Variants in DUS2 observed in about 807,000 individuals in gnomAD.
DUS2 encodes the protein dihydrouridine synthase 2.
In DUS2, 52 loss-of-function variants were observed where a neutral mutation model predicts 71.3. The ratio of observed to expected loss-of-function variants is 0.73; its 90% CI spans 0.58 to 0.92. DUS2 has a LOEUF of 0.92. Among genes scored for constraint, DUS2 ranks in the 40% least tolerant of loss-of-function variants. The pLI is 0.00. For synonymous variants in DUS2, 204 were observed against 227.8 expected (o/e 0.90, Z 0.94); for missense variants, 558 against 622.6 (o/e 0.90, Z 1.10).
chr16:68,079,072 C>T lies in DUS2; in HGVS notation c.*86C>T. On this transcript the variant is annotated 3_prime_UTR_variant, in exon 17 of 17. Transcript: ENST00000565263. ...ACAGCATGAACCAGATGCCGTTGAA[C>T]AGTTTGCTGGTCTTGCCTGGCAGAA... is the stretch of plus-strand genomic sequence containing the variant. The T allele has an allele frequency of 1.6e-6, 2 of 1,253,888 alleles. No individual in the cohort carries two copies. The highest frequency in any genetic ancestry group is 2.2e-6 in the Non-Finnish European group (2 of 912,310). The allele number at this position is 1,253,888 out of a possible 1,614,324, so 77.7% of individuals were successfully genotyped here. A position where few individuals can be genotyped will look rare whatever the true frequency, so the allele number is the denominator to read the frequency against.
chr16:68,055,289 C>A (rs1362946786), intron 6 of DUS2, among the ~76,000 whole-genome samples: 1 of 152,068 alleles, frequency 6.6e-6, no homozygotes, highest in Non-Finnish European at 1.5e-5. Context: ...GCCTGGGGAA[C>A]ATAGGCAGAG....
At chr16:68,038,171 G>A (rs370308611) in intron 3 of DUS2, 22 bp downstream of exon 3, 6 of 1,612,024 alleles carry the variant, frequency 3.7e-6, no homozygotes. Context: ...TGATTTTCTG[G>A]GTGGGCTTCT....
intron 4 of DUS2, among the ~76,000 whole-genome samples, chr16:68,052,818 T>G (rs1475839712): frequency 2.6e-5 from 4 of 151,830 alleles, no homozygotes; most frequent in Non-Finnish European, 5.9e-5. Context: ...AATTTTTGTA[T>G]TTTTAGTAGA....
At chr16:68,047,253 A>G (rs928286775) in intron 3 of DUS2, among the ~76,000 whole-genome samples, 1 of 148,778 alleles carries the variant, frequency 6.7e-6, no homozygotes, top group African/African-American at 2.5e-5. Context: ...ATGGAGTTTC[A>G]CCATGTTGGC....
At chr16:68,062,580 G>A (rs894924920) in intron 8 of DUS2, among the ~76,000 whole-genome samples, 3 of 151,852 alleles carry the variant, frequency 2.0e-5, no homozygotes, top group East Asian at 2.0e-4. Context: ...TTAGCTGGGC[G>A]TGGTGGCGGG....
rs942185169 is a variant in DUS2, at chr16:68,026,836, A to G, written c.-19+1342A>G. 5 of 138,806 alleles carry G rather than the reference A, an allele frequency of 3.6e-5. No individual in the cohort carries two copies. The Admixed American group carries it at 3.9e-4, about 11-fold the overall frequency. 8.6% of individuals were successfully genotyped at this position (138,806 alleles called of 1,614,324 possible). On this transcript the variant is annotated intron_variant, in intron 2 of 16. Transcript: ENST00000565263. Reference sequence around the variant, plus strand: ...GGTTGCAGTGACCTGAGATTGTGCCATTGCATTCCAGACTGGGTGATAGAG... The same window carrying G: ...GGTTGCAGTGACCTGAGATTGTGCCGTTGCATTCCAGACTGGGTGATAGAG...
intron 10 of DUS2, among the ~76,000 whole-genome samples, chr16:68,067,099 C>T (rs1157845072): frequency 6.9e-4 from 62 of 89,418 alleles, no homozygotes; most frequent in Middle Eastern, 5.4e-3. Flanking sequence ...TTCCTTCCCT[C>T]CTTCCTTCCT....
chr16:68,055,150 G>T (rs190519750), intron 6 of DUS2, among the ~76,000 whole-genome samples: 6 of 152,132 alleles, frequency 3.9e-5, no homozygotes, highest in Non-Finnish European at 7.3e-5. Flanking sequence ...ATGCATATTG[G>T]GGGGAGCTGT....
chr16:68,043,298 G>A (rs1425554800), intron 3 of DUS2, among the ~76,000 whole-genome samples: 1 of 152,068 alleles, frequency 6.6e-6, no homozygotes, highest in Non-Finnish European at 1.5e-5. Flanking sequence ...CCCAGCTACT[G>A]GGGAGGCTGA....
At chr16:68,024,784 G>A (rs1463514113) in intron 1 of DUS2, among the ~76,000 whole-genome samples, 1 of 151,818 alleles carries the variant, frequency 6.6e-6, no homozygotes, top group African/African-American at 2.4e-5. Flanking sequence ...CTAAAACAAG[G>A]GTGATTTTGC....
chr16:68,055,603 A>C (rs2033840815), intron 6 of DUS2, among the ~76,000 whole-genome samples: 1 of 152,110 alleles, frequency 6.6e-6, no homozygotes. Flanking sequence ...TAGTTTTCTC[A>C]CCTATAAAAT....
chr16:68,078,231 T>C, intron 15 of DUS2: 1 of 592,306 alleles, frequency 1.7e-6, no homozygotes, highest in Admixed American at 2.9e-5. Flanking sequence ...TGCGCTTTGC[T>C]TAGGTCTGTG....
At position 68,047,852 on chromosome 16, in the gene DUS2, C is replaced by T. The variant is rs551320303; in HGVS notation, c.127-1653C>T. Among the ~76,000 whole-genome samples, 6 of 151,424 alleles carry T rather than the reference C, an allele frequency of 4.0e-5. No homozygotes were observed. In the South Asian group the frequency reaches 1.3e-3, roughly 32 times the overall value. On this transcript the variant is annotated intron_variant, in intron 3 of 16. Transcript: ENST00000565263. ...GTGGCATGCAGTGGCACAATCACAGCTCACTGCAACCTCGAGCATCTGGGC... is the reference window on the plus strand; with the variant it reads ...GTGGCATGCAGTGGCACAATCACAGTTCACTGCAACCTCGAGCATCTGGGC...
intron 7 of DUS2, among the ~76,000 whole-genome samples, chr16:68,058,160 A>G (rs2033887982): frequency 6.6e-6 from 1 of 151,658 alleles, no homozygotes; most frequent in South Asian, 2.1e-4. Flanking sequence ...AAGAAGAAGC[A>G]GACTGCAGGA....
chr16:68,076,905 A>C (rs945548494), intron 15 of DUS2, among the ~76,000 whole-genome samples, 186 bp downstream of exon 15: 2 of 145,930 alleles, frequency 1.4e-5, no homozygotes, highest in South Asian at 4.2e-4. Context: ...GTTCAGCCAG[A>C]CATCTCTCTT....
At chr16:68,046,239 A>G (rs191613120) in intron 3 of DUS2, among the ~76,000 whole-genome samples, 12 of 151,930 alleles carry the variant, frequency 7.9e-5, no homozygotes, top group Admixed American at 7.9e-4. Flanking sequence ...TGTTGTTCCC[A>G]TGTTTATGTT....
At chr16:68,041,204 C>T (rs905113858) in intron 3 of DUS2, among the ~76,000 whole-genome samples, 7 of 151,564 alleles carry the variant, frequency 4.6e-5, no homozygotes, top group East Asian at 2.0e-4. Context: ...CCAGCCTGGG[C>T]GACAGAACAA....
At chr16:68,055,412 C>G (rs1226253390) in intron 6 of DUS2, among the ~76,000 whole-genome samples, 1 of 151,986 alleles carries the variant, frequency 6.6e-6, no homozygotes, top group Non-Finnish European at 1.5e-5. Context: ...CTCCATTGCG[C>G]CACTGGACTC....
intron 15 of DUS2, chr16:68,078,108 C>T: frequency 5.8e-6 from 2 of 346,466 alleles, no homozygotes; most frequent in South Asian, 6.2e-5. Context: ...CTTCTCTGCT[C>T]CTAGCTTGTC....
Sources: gnomAD v4.1 joint callset for allele counts (sites outside exome capture counted in the v4.1 genomes callset) on GRCh38, gnomAD v4.1.1 for gene constraint, MANE v1.5 for transcripts, NCBI Gene and HGNC (gene_info 2026-07-23, HGNC 2026-07-21) for gene names.